The following ADAMTS18 variants were observed in gnomAD, a reference collection of about 807,000 sequenced individuals.
ADAMTS18 encodes the protein ADAM metallopeptidase with thrombospondin type 1 motif 18.
ADAMTS18 carries 157 observed loss-of-function variants against 165.9 expected under a neutral mutation model. The ratio of observed to expected loss-of-function variants is 0.95; its 90% CI spans 0.83 to 1.08. The LOEUF (loss-of-function observed/expected upper bound fraction) is 1.08. Among genes scored for constraint, ADAMTS18 ranks in the 50% least tolerant of loss-of-function variants. The pLI, the probability that ADAMTS18 is intolerant of heterozygous loss-of-function variation, is 0.00. For missense variants in ADAMTS18, 2,040 were observed against 1,534.0 expected, an observed-to-expected ratio of 1.33 and a Z score of -5.51; for synonymous variants, 782 against 578.2, an observed-to-expected ratio of 1.35 and a Z score of -5.06.
chr16:77,428,017 G>C (rs1008957119), intron 3 of ADAMTS18, among the ~76,000 whole-genome samples: 1 of 152,168 alleles, frequency 6.6e-6, no homozygotes, highest in South Asian at 2.1e-4. Context: ...ATTCCTATTA[G>C]TACTTTGTCA....
At chr16:77,325,082 C>T (rs8061205) in intron 13 of ADAMTS18, among the ~76,000 whole-genome samples, 11 of 151,982 alleles carry the variant, frequency 7.2e-5, no homozygotes, top group Non-Finnish European at 1.3e-4. Flanking sequence ...GTTCATGTTG[C>T]GCTTTTGCAC....
At chr16:77,424,686 C>T (rs909472184) in intron 3 of ADAMTS18, among the ~76,000 whole-genome samples, 5 of 151,986 alleles carry the variant, frequency 3.3e-5, no homozygotes, top group Non-Finnish European at 7.4e-5. Flanking sequence ...AGGAGAGAAG[C>T]CAGAACAAAA....
intron 6 of ADAMTS18, 107 bp downstream of exon 6, chr16:77,363,695 T>C (rs576872300): frequency 1.1e-5 from 11 of 997,004 alleles, no homozygotes; most frequent in Non-Finnish European, 1.7e-5. Flanking sequence ...AGTTTCAAAT[T>C]TGAGCAGCTA....
intron 3 of ADAMTS18, among the ~76,000 whole-genome samples, chr16:77,420,780 T>C (rs1227954039): frequency 6.6e-6 from 1 of 152,146 alleles, no homozygotes; most frequent in Non-Finnish European, 1.5e-5. Context: ...ACACGTAGAC[T>C]CAATAATTAA....
Position 77,367,683 on chromosome 16 carries a change from G to C in ADAMTS18, c.536C>G (p.Ser179Trp). The change falls in exon 4 of 23, where the codon TCG becomes TGG. Residue 179 changes from serine (S) to tryptophan (W), a missense_variant. Physicochemically the swap from Ser to Trp is radical, Grantham distance 177. Transcript: ENST00000282849. ...CTGGGCCAGAAGCTGAGGTAATGGC[G>C]AGATGAGGAATTCATTTTTTCGTGT... ...IRTRKNEFLI[S>W]PLPQLLAQEH... 6.2e-7 allele frequency: 1 copy of C among 1,614,142 alleles called. No homozygotes were observed. The highest frequency in any genetic ancestry group is 1.1e-5 in the South Asian group (1 of 91,086).
chr16:77,310,085 T>A lies in ADAMTS18; in HGVS notation c.2533-9681A>T, dbSNP rs559024062. Among the ~76,000 whole-genome samples the A allele has an allele frequency of 2.0e-5, 3 of 152,304 alleles. No homozygotes were observed. In the South Asian group the frequency reaches 6.2e-4, roughly 32 times the overall value. ...CCTCAGGATCTTCAGAGGATTTCAG[T>A]GCTGAAATGGGGCAAGGACAGGCTG... On this transcript the variant is annotated intron_variant, in intron 16 of 22. Coordinates refer to ENST00000282849, the MANE Select transcript of ADAMTS18 (RefSeq NM_199355.4).
chr16:77,298,826 C>G (rs548287015), intron 17 of ADAMTS18, among the ~76,000 whole-genome samples: 1 of 152,264 alleles, frequency 6.6e-6, no homozygotes, highest in East Asian at 1.9e-4. Flanking sequence ...ATCAACATTC[C>G]TTGAAGTTAA....
rs1318833731 is a variant in ADAMTS18, at chr16:77,364,458, A to T, written c.779-77T>A. 5 of 1,485,908 alleles carry T rather than the reference A, an allele frequency of 3.4e-6. No individual in the cohort carries two copies. In the African/African-American group the frequency reaches 7.0e-5, roughly 21 times the overall value. 92.0% of individuals were successfully genotyped at this position (1,485,908 alleles called of 1,614,324 possible). A position where few individuals can be genotyped will look rare whatever the true frequency, so the allele number is the denominator to read the frequency against. Reference sequence around the variant, plus strand: ...AGACAGTTGAGAGAGAAACTGAAACAAGGGAAGAAGAGAAACTATGTAACC... The same window carrying T: ...AGACAGTTGAGAGAGAAACTGAAACTAGGGAAGAAGAGAAACTATGTAACC... On this transcript the variant is annotated intron_variant, in intron 4 of 22. Coordinates refer to ENST00000282849, the MANE Select transcript of ADAMTS18 (RefSeq NM_199355.4).
intron 3 of ADAMTS18, among the ~76,000 whole-genome samples, chr16:77,372,111 T>C (rs181143435): frequency 2.0e-5 from 3 of 152,114 alleles, no homozygotes; most frequent in Non-Finnish European, 4.4e-5. Context: ...ATTATCACAA[T>C]GACAATAAAT....
At chr16:77,375,584 G>A (rs1007141735) in intron 3 of ADAMTS18, among the ~76,000 whole-genome samples, 6 of 152,296 alleles carry the variant, frequency 3.9e-5, no homozygotes, top group Non-Finnish European at 8.8e-5. Flanking sequence ...ATGTCTCAGA[G>A]CTAAGGAGCG....
At chr16:77,340,124 G>T (rs1226724147) in intron 11 of ADAMTS18, among the ~76,000 whole-genome samples, 2 of 152,152 alleles carry the variant, frequency 1.3e-5, no homozygotes, top group South Asian at 2.1e-4. Context: ...TTTAAAGAGA[G>T]AATTAGTTAT....
intron 5 of ADAMTS18, 151 bp from the exon 6 acceptor site, chr16:77,364,036 A>G: frequency 1.6e-6 from 2 of 1,277,548 alleles, no homozygotes; most frequent in Non-Finnish European, 2.2e-6. Flanking sequence ...ACTTAAAAAA[A>G]TAAAACCACA....
intron 3 of ADAMTS18, among the ~76,000 whole-genome samples, chr16:77,427,457 T>G (rs749256687): frequency 4.6e-5 from 7 of 152,222 alleles, no homozygotes. Flanking sequence ...TTCTCATCAC[T>G]GTGCTAGTCA....
Position 77,413,086 on chromosome 16 carries a change from C to A in ADAMTS18, c.495+18209G>T, listed in dbSNP as rs2057485977. ...GTTGGTTCTGTTTCCATGCAGAATT[C>A]TGGCTAATATGCACCCATTCATGCT... On this transcript the variant is annotated intron_variant, in intron 3 of 22. Transcript: ENST00000282849. Among the ~76,000 whole-genome samples the A allele has an allele frequency of 2.0e-5, 3 of 152,138 alleles. 1 individual carries two copies. In the South Asian group the frequency reaches 6.2e-4, roughly 32 times the overall value.
At chr16:77,395,120 A>G (rs1294624328) in intron 3 of ADAMTS18, among the ~76,000 whole-genome samples, 1 of 152,196 alleles carries the variant, frequency 6.6e-6, no homozygotes, top group Non-Finnish European at 1.5e-5. Context: ...AAGCTGCCAT[A>G]CCAGAAGAGA....
chr16:77,303,333 T>C (rs1328473998), intron 16 of ADAMTS18, among the ~76,000 whole-genome samples: 1 of 152,218 alleles, frequency 6.6e-6, no homozygotes, highest in Admixed American at 6.5e-5. Flanking sequence ...CCATCTTCCA[T>C]ACTACATTGT....
At chr16:77,294,290 G>A (rs1248415130) in intron 19 of ADAMTS18, among the ~76,000 whole-genome samples, 1 of 152,052 alleles carries the variant, frequency 6.6e-6, no homozygotes. Flanking sequence ...AGCTGGCCTG[G>A]GCTGTGTAGG....
chr16:77,370,208 C>T (rs2056856555), intron 3 of ADAMTS18, among the ~76,000 whole-genome samples: 1 of 152,108 alleles, frequency 6.6e-6, no homozygotes, highest in Non-Finnish European at 1.5e-5. Context: ...CACTTCTATT[C>T]TACATAGTAC....
chr16:77,378,337 A>AAAC (rs1377336151), intron 3 of ADAMTS18, among the ~76,000 whole-genome samples: 3 of 61,350 alleles, frequency 4.9e-5, no homozygotes, highest in African/African-American at 1.8e-4. Context: ...ACAAAAACAA[A>AAAC]AACAAAAAAA....
Sources: allele counts gnomAD v4.1 joint callset (sites outside exome capture counted in the v4.1 genomes callset), GRCh38; gene constraint gnomAD v4.1.1; transcripts MANE v1.5; gene names NCBI Gene and HGNC (gene_info 2026-07-23, HGNC 2026-07-21).